The following MGST1 variants were observed in gnomAD, a reference collection of about 807,000 sequenced individuals.
The protein encoded by MGST1 is microsomal glutathione S-transferase 1, also known as glutathione S-transferase 12.
A neutral mutation model predicts 8.9 loss-of-function variants in MGST1; 5 were observed. The ratio of observed to expected loss-of-function variants is 0.56; its 90% CI spans 0.29 to 1.19. The LOEUF (loss-of-function observed/expected upper bound fraction) is 1.19, where lower values mean the gene tolerates loss of function less well. MGST1 is among the 50% of genes most tolerant of loss of function. MGST1 has a pLI of 0.08. For synonymous variants in MGST1, 54 were observed against 67.8 expected (o/e 0.80, Z 1.00); for missense variants, 182 against 187.4 (o/e 0.97, Z 0.17).
At chr12:16,370,509 T>C (rs147280282) in intron 3 of MGST1, 1 of 152,316 alleles carries the variant, frequency 6.6e-6, no homozygotes, top group African/African-American at 2.4e-5. Context: ...AATTGTATAT[T>C]ATCTTCTATG....
At position 16,401,406 on chromosome 12, in the gene MGST1, T is replaced by C. The variant is rs1338465401; in HGVS notation, n.778+17802T>C. 2.0e-6 allele frequency: 2 copies of C among 989,118 alleles called. No homozygotes were observed. The highest frequency in any genetic ancestry group is 1.7e-5 in the Admixed American group (1 of 58,646). The allele number at this position is 989,118 out of a possible 1,614,324, so 61.3% of individuals were successfully genotyped here. On this transcript the variant is annotated intron_variant and non_coding_transcript_variant, in intron 1 of 1. Transcript: ENST00000359720. The surrounding 1 kb of genome is among the most constrained non-coding windows in gnomAD (Gnocchi z 4.3). ...GGTTTCTGGTAATTTTGTTCAGGAG[T>C]TCTGGCTTCTGCTTTTTAGCCACGT...
downstream of MGST1, among the ~76,000 whole-genome samples, chr12:16,443,569 T>A (rs1411758331): frequency 6.6e-6 from 1 of 151,910 alleles, no homozygotes; most frequent in African/African-American, 2.4e-5. Flanking sequence ...ATACATTAAA[T>A]TAGTATTTTT....
At chr12:16,536,137 G>C (rs1394243165) in intron 4 of MGST1, among the ~76,000 whole-genome samples, 1 of 150,942 alleles carries the variant, frequency 6.6e-6, no homozygotes, top group Non-Finnish European at 1.5e-5. Context: ...GAGGAGTAGG[G>C]GAGTTTCTTG....
intron 1 of MGST1, chr12:16,400,125 C>T (rs1940641740): frequency 3.3e-6 from 5 of 1,527,338 alleles, no homozygotes; most frequent in Non-Finnish European, 4.5e-6. Flanking sequence ...TTTCTCGTTC[C>T]ATCTGCTCAG....
At position 16,547,631 on chromosome 12, in the gene MGST1, A is replaced by G. The variant is rs1941842121; in HGVS notation, n.483-41897A>G. Among the ~76,000 whole-genome samples the G allele has an allele frequency of 6.6e-6, 1 of 152,158 alleles. No individual in the cohort carries two copies. On this transcript the variant is annotated intron_variant and non_coding_transcript_variant, in intron 4 of 4. Transcript: ENST00000538857. This position sits in a 1 kb window ranked among gnomAD's most constrained non-coding sequence, Gnocchi z 4.6. The stretch of plus-strand genomic sequence containing the variant: ...AGGCCTGTCACATAGTAGGTGCGCA[A>G]TAAATGTCAATTAAACTAATGACTA...
At position 16,536,854 on chromosome 12, in the gene MGST1, T is replaced by G. The variant is rs201577805; in HGVS notation, n.483-52674T>G. On this transcript the variant is annotated intron_variant and non_coding_transcript_variant, in intron 4 of 4. Coordinates refer to the MGST1 transcript ENST00000538857. The stretch of plus-strand genomic sequence containing the variant: ...TCCCTCCCACAACATGTGGGAATTA[T>G]GGGAATACAATTCAAGATGAGATTT... Among the ~76,000 whole-genome samples the G allele has an allele frequency of 7.2e-5, 11 of 152,286 alleles. No homozygotes were observed. The East Asian group carries it at 2.1e-3, about 29-fold the overall frequency.
At chr12:16,422,594 G>A (rs531223991) in intron 1 of MGST1, among the ~76,000 whole-genome samples, 15 of 152,196 alleles carry the variant, frequency 9.9e-5, no homozygotes, top group African/African-American at 3.1e-4. Flanking sequence ...TTCTGCCTCT[G>A]GATTGCTTCT....
chr12:16,535,030 G>A (rs1941746682), intron 4 of MGST1, among the ~76,000 whole-genome samples: 1 of 152,140 alleles, frequency 6.6e-6, no homozygotes, highest in African/African-American at 2.4e-5. Flanking sequence ...ATGACACTGA[G>A]TGCAGTGCCT....
chr12:16,587,369 G>A lies in MGST1; in HGVS notation n.483-2159G>A, dbSNP rs1375477001. On this transcript the variant is annotated intron_variant and non_coding_transcript_variant, in intron 4 of 4. Transcript: ENST00000538857. The surrounding 1 kb of genome is among the most constrained non-coding windows in gnomAD (Gnocchi z 4.3). ...AAAAATTCCAAAGCATTCTTAAAAC[G>A]TTTCACTTAAACATTTCTGCAATAA... is the stretch of plus-strand genomic sequence containing the variant. Among the ~76,000 whole-genome samples, 2 of 152,026 alleles carry A rather than the reference G, an allele frequency of 1.3e-5. No homozygotes were observed. Among genetic ancestry groups the A allele is most frequent in the Non-Finnish European group, 2.9e-5 (2 of 67,984 alleles).
In MGST1 at chr12:16,386,174, G is replaced by C. The variant is rs371564994; in HGVS notation, n.778+2570G>C. On this transcript the variant is annotated intron_variant and non_coding_transcript_variant, in intron 1 of 1. Transcript: ENST00000359720. ...CCAGTCCAAAGTATCCAAGCAGTTT[G>C]TGGTTTGGAAATTCTTGAGCTCTTT... is the stretch of plus-strand genomic sequence containing the variant. Among the ~76,000 whole-genome samples, 13 of 152,314 alleles carry C rather than the reference G, an allele frequency of 8.5e-5. No individual in the cohort carries two copies. In the South Asian group the frequency reaches 1.5e-3, roughly 17 times the overall value.
chr12:16,474,444 C>T (rs938133199), intron 4 of MGST1, among the ~76,000 whole-genome samples: 2 of 152,134 alleles, frequency 1.3e-5, no homozygotes, highest in African/African-American at 4.8e-5. Flanking sequence ...GGATTTCATT[C>T]AATTTTGCCA....
chr12:16,478,902 A>G (rs1279736920), intron 4 of MGST1, among the ~76,000 whole-genome samples: 2 of 152,122 alleles, frequency 1.3e-5, no homozygotes, highest in Non-Finnish European at 2.9e-5. Flanking sequence ...GCCTCTATCT[A>G]GTTTCAAAAC....
chr12:16,553,451 G>C (rs1942069586), intron 4 of MGST1, among the ~76,000 whole-genome samples: 1 of 152,024 alleles, frequency 6.6e-6, no homozygotes. Context: ...TCAATTAAGT[G>C]GTATATATAG....
intron 1 of MGST1, chr12:16,399,377 C>T: frequency 6.6e-7 from 1 of 1,522,120 alleles, no homozygotes; most frequent in Non-Finnish European, 9.1e-7. Context: ...CCTTCCTCTT[C>T]TGGCTCATAC....
Position 16,401,208 on chromosome 12 carries a change from G to A in MGST1, n.778+17604G>A. 1.3e-6 allele frequency: 2 copies of A among 1,561,436 alleles called. No homozygotes were observed. The highest frequency in any genetic ancestry group is 2.2e-5 in the East Asian group (1 of 44,528). ...GGCCATCCTCATCCATAAGCACTGT[G>A]TCACTAAGGAACAGGGCATAGGTTT... is the stretch of plus-strand genomic sequence containing the variant. On this transcript the variant is annotated intron_variant and non_coding_transcript_variant, in intron 1 of 1. Transcript: ENST00000359720. This position sits in a 1 kb window ranked among gnomAD's most constrained non-coding sequence, Gnocchi z 4.3.
rs141246352 is a variant in MGST1 at position 16,351,581 on chromosome 12, G to A, written c.-22-2650G>A. 2.5e-3 allele frequency among the ~76,000 whole-genome samples: 381 copies of A among 152,164 alleles called. 1 individual carries two copies. Among genetic ancestry groups the A allele is most frequent in the African/African-American group, 8.4e-3 (348 of 41,510 alleles). On this transcript the variant is annotated intron_variant, in intron 1 of 3. Transcript: ENST00000396210. ...TCCTAGCAGTTTGGGAGGCTGAGGC[G>A]GGTGGATCACCTGAGGTCAGGAGTT...
At chr12:16,402,952 T>TCGCTA (rs1555100121) in intron 1 of MGST1, among the ~76,000 whole-genome samples, 4 of 148,780 alleles carry the variant, frequency 2.7e-5, no homozygotes, top group African/African-American at 9.8e-5. Context: ...TTTAATATAT[T>TCGCTA]CTCTATATAT....
At chr12:16,406,414 G>A (rs1443585340) in intron 1 of MGST1, among the ~76,000 whole-genome samples, 1 of 152,200 alleles carries the variant, frequency 6.6e-6, no homozygotes, top group Non-Finnish European at 1.5e-5. Flanking sequence ...AATCAGAGAT[G>A]ACGCAAACAA....
At chr12:16,357,369 C>T in intron 2 of MGST1, 1 of 384,692 alleles carries the variant, frequency 2.6e-6, no homozygotes, top group Non-Finnish European at 4.6e-6. Context: ...AGGTGATCCT[C>T]CAACCTCAAC....
Sources: gnomAD v4.1 joint callset for allele counts (sites outside exome capture counted in the v4.1 genomes callset) on GRCh38, gnomAD v4.1.1 for gene constraint, Gnocchi (gnomAD v3.1) non-coding constraint, MANE v1.5 for transcripts, NCBI Gene and HGNC (gene_info 2026-07-23, HGNC 2026-07-21) for gene names.